Variants in FAM120A observed in about 807,000 individuals in gnomAD.
The protein encoded by FAM120A is family with sequence similarity 120 member A.
FAM120A carries 15 observed loss-of-function variants against 109.7 expected under a neutral mutation model. That is an observed-to-expected ratio of 0.14 (90% CI 0.09 to 0.21). FAM120A has a LOEUF of 0.21. Ranked by LOEUF, FAM120A falls within the 10% of genes least tolerant of loss-of-function variation. The pLI, the probability that FAM120A is intolerant of heterozygous loss-of-function variation, is 1.00. For missense variants in FAM120A, 899 were observed against 1,439.3 expected, an observed-to-expected ratio of 0.62 and a Z score of 6.07; for synonymous variants, 493 against 572.8, an observed-to-expected ratio of 0.86 and a Z score of 1.99.
chr9:93,462,334 G>A (rs887697770), intron 1 of FAM120A, among the ~76,000 whole-genome samples: 2 of 152,242 alleles, frequency 1.3e-5, no homozygotes, highest in Admixed American at 6.5e-5. Flanking sequence ...AGGCTGTAGC[G>A]CAGTAGCGTG....
At chr9:93,522,009 G>A (rs1860867274) in intron 7 of FAM120A, among the ~76,000 whole-genome samples, 1 of 152,188 alleles carries the variant, frequency 6.6e-6, no homozygotes, top group Non-Finnish European at 1.5e-5. Context: ...GAACCTGGGA[G>A]GTGGAGGTTG....
At chr9:93,499,683 G>A (rs996625683) in intron 5 of FAM120A, among the ~76,000 whole-genome samples, 1 of 152,230 alleles carries the variant, frequency 6.6e-6, no homozygotes, top group Non-Finnish European at 1.5e-5. Context: ...TGAACGTCTT[G>A]TGGAGGTTAT....
At chr9:93,507,813 A>G (rs1860134395) in intron 5 of FAM120A, among the ~76,000 whole-genome samples, 1 of 152,200 alleles carries the variant, frequency 6.6e-6, no homozygotes, top group African/African-American at 2.4e-5. Flanking sequence ...GCCCTCAATA[A>G]GAGGCAGTGG....
chr9:93,556,682 C>T (rs1429466262), intron 13 of FAM120A, 91 bp downstream of exon 13: 5 of 1,311,740 alleles, frequency 3.8e-6, no homozygotes, highest in Non-Finnish European at 3.2e-6. Context: ...ATTTATCATC[C>T]TGTGTTTCAA....
intron 1 of FAM120A, among the ~76,000 whole-genome samples, chr9:93,459,042 T>TAA (rs1857675669): frequency 6.6e-6 from 1 of 152,244 alleles, no homozygotes; most frequent in African/African-American, 2.4e-5. Context: ...CTTGTTTAAC[T>TAA]ACTGTACTGT....
chr9:93,532,286 A>G lies in FAM120A; in HGVS notation c.1866A>G (p.Lys622=). ...VLFSLAESRK[K]TERLAFRKNR... ...TTAGTTTGGCAGAAAGCAGAAAGAA[A>G]ACTGAGAGACTTGCTTTTAGAAAGA... is the stretch of plus-strand genomic sequence containing the variant. Residue 622 remains lysine, a synonymous_variant, in exon 10 of 18, where the codon AAA becomes AAG. Transcript: ENST00000277165. This position sits in a 1 kb window ranked among gnomAD's most constrained non-coding sequence, Gnocchi z 4.3. 1 of 1,614,246 alleles carries G rather than the reference A, an allele frequency of 6.2e-7. No homozygotes were observed. Among genetic ancestry groups the G allele is most frequent in the East Asian group, 2.2e-5 (1 of 44,880 alleles).
chr9:93,510,505 G>C (rs558991788), intron 5 of FAM120A, among the ~76,000 whole-genome samples: 112 of 152,312 alleles, frequency 7.4e-4, no homozygotes, highest in African/African-American at 2.6e-3. Context: ...TAGCGACCTG[G>C]TAGAGTTCTC....
intron 11 of FAM120A, among the ~76,000 whole-genome samples, chr9:93,545,222 G>A (rs189887332): frequency 9.9e-5 from 15 of 152,236 alleles, no homozygotes; most frequent in African/African-American, 3.4e-4. Flanking sequence ...TCTCAGAGTC[G>A]GAGGTTCTGT....
At chr9:93,478,475 C>A (rs1858643570) in intron 3 of FAM120A, among the ~76,000 whole-genome samples, 1 of 151,912 alleles carries the variant, frequency 6.6e-6, no homozygotes, top group South Asian at 2.1e-4. Flanking sequence ...CATTTGTTAG[C>A]CACTTTAATG....
At chr9:93,462,315 C>G (rs1857828613) in intron 1 of FAM120A, among the ~76,000 whole-genome samples, 1 of 152,174 alleles carries the variant, frequency 6.6e-6, no homozygotes, top group African/African-American at 2.4e-5. Flanking sequence ...GAGTCTCGCT[C>G]TGTCACCAAG....
At chr9:93,464,684 C>G (rs906552359) in intron 1 of FAM120A, among the ~76,000 whole-genome samples, 11 of 152,186 alleles carry the variant, frequency 7.2e-5, no homozygotes, top group African/African-American at 2.4e-4. Context: ...AAAAATTAAT[C>G]AAGGCCTGGT....
chr9:93,502,644 G>T (rs1417132883), intron 5 of FAM120A, among the ~76,000 whole-genome samples: 1 of 151,574 alleles, frequency 6.6e-6, no homozygotes, highest in Non-Finnish European at 1.5e-5. Flanking sequence ...ATTTTGAGAT[G>T]ATTTTGAAAA....
In FAM120A at chr9:93,452,611, C is replaced by A; in HGVS notation, c.474+222C>A. ...GTCTCCAGCTGTCCCTGTTCGGGGT[C>A]CGCGGCCGCGTGGGGACACTTGAGG... is the stretch of plus-strand genomic sequence containing the variant. On this transcript the variant is annotated intron_variant, in intron 1 of 17. Coordinates refer to ENST00000277165, the MANE Select transcript of FAM120A (RefSeq NM_014612.5). The surrounding 1 kb of genome is among the most constrained non-coding windows in gnomAD (Gnocchi z 7.0). The A allele has an allele frequency of 6.3e-7, 1 of 1,599,104 alleles. No individual in the cohort carries two copies.
At chr9:93,453,577 A>G (rs1857393026) in intron 1 of FAM120A, 1 of 985,386 alleles carries the variant, frequency 1.0e-6, no homozygotes, top group African/African-American at 1.7e-5. Context: ...GTGGTAGTTA[A>G]GCCTAAAATG....
chr9:93,556,130 T>G (rs1862273284), intron 12 of FAM120A, among the ~76,000 whole-genome samples: 1 of 152,236 alleles, frequency 6.6e-6, no homozygotes, highest in African/African-American at 2.4e-5. Context: ...GCGGAACGCT[T>G]TATAAACCCA....
chr9:93,453,118 C>G, intron 1 of FAM120A: 1 of 1,015,468 alleles, frequency 9.8e-7, no homozygotes. Context: ...TAAGGCAGTT[C>G]GGTTTTGTAG....
intron 3 of FAM120A, 53 bp downstream of exon 3, chr9:93,476,391 G>T: frequency 1.6e-6 from 2 of 1,213,804 alleles, no homozygotes; most frequent in Non-Finnish European, 2.4e-6. Flanking sequence ...CTGTGAGTTT[G>T]CTATTACTTT....
At chr9:93,560,864 T>C (rs567318729) in intron 15 of FAM120A, among the ~76,000 whole-genome samples, 2 of 152,354 alleles carry the variant, frequency 1.3e-5, no homozygotes, top group African/African-American at 4.8e-5. Context: ...TCTGTTTCTA[T>C]CTAAAAAGCC....
chr9:93,530,613 T>G (rs1861289325), intron 9 of FAM120A: 1 of 152,248 alleles, frequency 6.6e-6, no homozygotes, highest in Non-Finnish European at 1.5e-5. Context: ...ATTTTTTAGT[T>G]GTAATGCCTC....
Sources: allele counts gnomAD v4.1 joint callset (sites outside exome capture counted in the v4.1 genomes callset), GRCh38; gene constraint gnomAD v4.1.1; non-coding constraint Gnocchi (gnomAD v3.1); transcripts MANE v1.5; gene names NCBI Gene and HGNC (gene_info 2026-07-23, HGNC 2026-07-21).